The following COL16A1 variants were observed in gnomAD, a reference collection of about 807,000 sequenced individuals.
COL16A1 encodes the protein collagen type XVI alpha 1 chain, also known as collagen alpha-1(XVI) chain.
Under a neutral mutation model 266.3 loss-of-function variants are expected in COL16A1, and 189 were observed. That is an observed-to-expected ratio of 0.71 (90% CI 0.63 to 0.80). The LOEUF (loss-of-function observed/expected upper bound fraction) is 0.80. Among genes scored for constraint, COL16A1 ranks in the 30% least tolerant of loss-of-function variants. The pLI, the probability that COL16A1 is intolerant of heterozygous loss-of-function variation, is 0.00. For missense variants in COL16A1, 1,928 were observed against 2,122.4 expected (o/e 0.91, Z 1.80); for synonymous variants, 740 against 782.3 (o/e 0.95, Z 0.90).
Position 31,660,607 on chromosome 1 carries a change from C to T in COL16A1, c.3857G>A (p.Arg1286Lys), listed in dbSNP as rs1570363641. The T allele has an allele frequency of 1.2e-6, 2 of 1,614,172 alleles. No individual in the cohort carries two copies. The highest frequency in any genetic ancestry group is 1.7e-6 in the Non-Finnish European group (2 of 1,180,006). The change falls in exon 62 of 71, where the codon AGA (arginine) becomes AAA (lysine). Residue 1286 changes from arginine to lysine, a missense_variant. By Grantham distance (26) the Arg-to-Lys change is conservative. Coordinates refer to ENST00000373672, the MANE Select transcript of COL16A1 (RefSeq NM_001856.4). ...GEPGAMGPQG[R>K]PGPPGHVGPP... The stretch of plus-strand genomic sequence containing the variant: ...CACAACGTGTCCCGGGGGACCGGGT[C>T]TTCCCTGGGGTCCCATGGCACCAGG...
rs1643881842 is a variant in COL16A1, at chr1:31,684,629, C to T, written c.2054G>A (p.Gly685Asp). ...AGERGLKGQKGDAGNPGDPGT... is the reference protein window; with the variant it reads ...AGERGLKGQKDDAGNPGDPGT... ...AGGGTCTCCAGGATTCCCAGCATCACCCTGTAAGGAGTGGGGTTCAAGGAA... is the reference window on the plus strand; with the variant it reads ...AGGGTCTCCAGGATTCCCAGCATCATCCTGTAAGGAGTGGGGTTCAAGGAA... Residue 685 changes from glycine to aspartate, a missense_variant and splice_region_variant, in exon 31 of 71, where the codon GGT becomes GAT. Physicochemically the swap from Gly to Asp is moderately conservative, Grantham distance 94 (BLOSUM62 -1). Around this residue, in one of 2 missense-constraint regions of COL16A1, gnomAD observed 1,552 missense variants for 1,637.2 expected, o/e 0.95. Coordinates refer to ENST00000373672, the MANE Select transcript of COL16A1 (RefSeq NM_001856.4). 4 of 1,613,698 alleles carry T rather than the reference C, an allele frequency of 2.5e-6. No homozygotes were observed. The highest frequency in any genetic ancestry group is 3.4e-6 in the Non-Finnish European group (4 of 1,179,812).
intron 51 of COL16A1, 133 bp from the exon 52 acceptor site, chr1:31,667,761 G>A: frequency 3.4e-6 from 3 of 882,254 alleles, no homozygotes; most frequent in Non-Finnish European, 5.4e-6. Context: ...ACCGCTGGGT[G>A]CTCCAAAGCT....
intron 67 of COL16A1, 58 bp downstream of exon 67, chr1:31,655,256 C>A: frequency 6.5e-7 from 1 of 1,549,546 alleles, no homozygotes; most frequent in Non-Finnish European, 8.7e-7. Flanking sequence ...GATCCGAGCT[C>A]CACCCCACAT....
rs1642604638 is a variant in COL16A1 at position 31,670,765 on chromosome 1, G to T, written c.3151-119C>A. ...AGGAGGTCATGGGAGTATTTTCAAG[G>T]CAGCTGGAAAAGAGACTCCTTGAAA... On this transcript the variant is annotated intron_variant, in intron 48 of 70. Coordinates refer to ENST00000373672, the MANE Select transcript of COL16A1 (RefSeq NM_001856.4). This position sits in a 1 kb window ranked among gnomAD's most constrained non-coding sequence, Gnocchi z 4.5. 3.7e-6 allele frequency: 3 copies of T among 814,152 alleles called. No homozygotes were observed. The African/African-American group carries it at 5.6e-5, about 15-fold the overall frequency. The allele number at this position is 814,152 out of a possible 1,614,324, so 50.4% of individuals were successfully genotyped here. A position where few individuals can be genotyped will look rare whatever the true frequency, so the allele number is the denominator to read the frequency against.
chr1:31,674,918 G>C lies in COL16A1; in HGVS notation c.2859+89C>G, dbSNP rs972856788. ...CCCTGCAAACTGCTGCTCTCTCTGC[G>C]AGGTGCCACACAGCTGAGCACTTAC... is the stretch of plus-strand genomic sequence containing the variant. On this transcript the variant is annotated intron_variant, in intron 44 of 70. Coordinates refer to ENST00000373672, the MANE Select transcript of COL16A1 (RefSeq NM_001856.4). 5.1e-6 allele frequency: 8 copies of C among 1,556,858 alleles called. No homozygotes were observed. In the East Asian group the frequency reaches 1.9e-4, roughly 36 times the overall value.
intron 68 of COL16A1, 27 bp downstream of exon 68, chr1:31,654,765 A>C (rs535660653): frequency 6.2e-7 from 1 of 1,613,846 alleles, no homozygotes; most frequent in Non-Finnish European, 8.5e-7. Flanking sequence ...GACAGCACCC[A>C]CTGCCACCCA....
intron 42 of COL16A1, 84 bp from the exon 43 acceptor site, chr1:31,675,395 TC>T: frequency 6.5e-7 from 1 of 1,548,956 alleles, no homozygotes; most frequent in Non-Finnish European, 8.8e-7. Context: ...CATCCCCGCC[TC>T]CTCTTCCCCT....
chr1:31,690,730 C>T (rs940707653), intron 20 of COL16A1, among the ~76,000 whole-genome samples, 157 bp from the exon 21 acceptor site: 21 of 152,138 alleles, frequency 1.4e-4, no homozygotes, highest in African/African-American at 4.6e-4. Context: ...GTTGCCTGCC[C>T]TCCGTGTCTA....
chr1:31,684,457 C>A, intron 31 of COL16A1, 66 bp downstream of exon 31: 3 of 1,575,234 alleles, frequency 1.9e-6, no homozygotes, highest in South Asian at 1.2e-5. Flanking sequence ...CCTTCCCTCA[C>A]TGGTGCGACA....
In COL16A1 at chr1:31,693,070, C is replaced by T. The variant is rs769721958; in HGVS notation, c.1071+22G>A. ...GGCACAGCTGGCAAAGGTCCTGCCACGGGCAGGGCTGGGACACTTACCCGT... is the reference window on the plus strand; with the variant it reads ...GGCACAGCTGGCAAAGGTCCTGCCATGGGCAGGGCTGGGACACTTACCCGT... On this transcript the variant is annotated intron_variant, in intron 13 of 70. Transcript: ENST00000373672. 9.6e-5 allele frequency: 148 copies of T among 1,545,904 alleles called. 1 individual carries two copies. In the Middle Eastern group the frequency reaches 1.4e-3, roughly 14 times the overall value.
chr1:31,656,448 G>A lies in COL16A1; in HGVS notation c.4057-4C>T. On this transcript the variant is annotated splice_region_variant and splice_polypyrimidine_tract_variant and intron_variant, in intron 65 of 70. Coordinates refer to ENST00000373672, the MANE Select transcript of COL16A1 (RefSeq NM_001856.4). This position sits in a 1 kb window ranked among gnomAD's most constrained non-coding sequence, Gnocchi z 4.2. ...ATCCCTGCTTTCCAGGGGGTCCCTA[G>A]AGGAAAGCAAAAGTCAGAGGTGAAG... 1 of 1,612,416 alleles carries A rather than the reference G, an allele frequency of 6.2e-7. No homozygotes were observed. Among genetic ancestry groups the A allele is most frequent in the Non-Finnish European group, 8.5e-7 (1 of 1,179,434 alleles).
At position 31,668,991 on chromosome 1, in the gene COL16A1, T is replaced by C. The variant is rs72887317; in HGVS notation, c.3196-136A>G. The C allele has an allele frequency of 4.4e-3, 3,252 of 732,378 alleles. 80 individuals are homozygous for C. The African/African-American group carries it at 0.051, about 11-fold the overall frequency. 45.4% of individuals were successfully genotyped at this position (732,378 alleles called of 1,614,324 possible). ...GCCATAGTGGCTCTCGTAGTGTCCC[T>C]AGAAGGTGACCCGTAATGGGTGTGC... On this transcript the variant is annotated intron_variant, in intron 49 of 70. Coordinates refer to ENST00000373672, the MANE Select transcript of COL16A1 (RefSeq NM_001856.4). The surrounding 1 kb of genome is among the most constrained non-coding windows in gnomAD (Gnocchi z 5.8).
At chr1:31,702,563 A>C (rs915031768) in intron 1 of COL16A1, among the ~76,000 whole-genome samples, 5 of 152,226 alleles carry the variant, frequency 3.3e-5, no homozygotes, top group Non-Finnish European at 7.3e-5. Flanking sequence ...AGGTCTTAGA[A>C]GGCCAGAGAA....
chr1:31,692,431 C>G lies in COL16A1; in HGVS notation c.1194+43G>C, dbSNP rs902548487. 2.5e-6 allele frequency: 4 copies of G among 1,590,150 alleles called. No homozygotes were observed. In the African/African-American group the frequency reaches 5.4e-5, roughly 21 times the overall value. On this transcript the variant is annotated intron_variant, in intron 16 of 70. Coordinates refer to ENST00000373672, the MANE Select transcript of COL16A1 (RefSeq NM_001856.4). The stretch of plus-strand genomic sequence containing the variant: ...TCCTTCCTCATGGCTGTAGAGCCTG[C>G]AGACCTCCCTGGAAATCCCCCCTCC...
chr1:31,688,561 C>T lies in COL16A1; in HGVS notation c.1768-59G>A. The T allele has an allele frequency of 6.2e-7, 1 of 1,608,696 alleles. No individual in the cohort carries two copies. The highest frequency in any genetic ancestry group is 8.5e-7 in the Non-Finnish European group (1 of 1,175,148). Reference sequence around the variant, plus strand: ...CCCCACTCCCACCTCTCCAAGGCTCCCCGGGTCCCAGTGTCCAACCAGAAA... The same window carrying T: ...CCCCACTCCCACCTCTCCAAGGCTCTCCGGGTCCCAGTGTCCAACCAGAAA... On this transcript the variant is annotated intron_variant, in intron 25 of 70. Coordinates refer to ENST00000373672, the MANE Select transcript of COL16A1 (RefSeq NM_001856.4). The surrounding 1 kb of genome is among the most constrained non-coding windows in gnomAD (Gnocchi z 4.9).
At chr1:31,699,237 A>C (rs1439840510) in intron 4 of COL16A1, among the ~76,000 whole-genome samples, 2 of 152,242 alleles carry the variant, frequency 1.3e-5, no homozygotes, top group East Asian at 3.8e-4. Flanking sequence ...AAGAATCCCC[A>C]GAATGACTAT....
rs1007408706 is a variant in COL16A1, at chr1:31,693,296, CCCA to C, written c.1009-145_1009-143del. ...CGCACACATGTGAGCAGTGTCCTGCCCCACGCCTCCCCCCACCACACACAAGCA... is the reference window on the plus strand; with the variant it reads ...CGCACACATGTGAGCAGTGTCCTGCCCGCCTCCCCCCACCACACACAAGCA... On this transcript the variant is annotated intron_variant, in intron 12 of 70. Coordinates refer to ENST00000373672, the MANE Select transcript of COL16A1 (RefSeq NM_001856.4). The C allele has an allele frequency of 3.6e-5, 23 of 647,742 alleles. No homozygotes were observed. The Admixed American group carries it at 5.0e-4, about 14-fold the overall frequency. The allele number at this position is 647,742 out of a possible 1,614,324, so 40.1% of individuals were successfully genotyped here. A position where few individuals can be genotyped will look rare whatever the true frequency, so the allele number is the denominator to read the frequency against.
At chr1:31,679,375 A>G in intron 42 of COL16A1, 1 of 1,498,032 alleles carries the variant, frequency 6.7e-7, no homozygotes, top group Non-Finnish European at 8.9e-7. Flanking sequence ...AGGGATTTTT[A>G]TCTGACCCAG....
rs1454446771 is a variant in COL16A1, at chr1:31,701,302, C to T, written c.73+819G>A. The stretch of plus-strand genomic sequence containing the variant: ...TCTGCCCCATCCCCCCCAGGGGACC[C>T]AGTGAGGGAGAGGAGAGCAAAGCTC... On this transcript the variant is annotated intron_variant, in intron 2 of 70. Transcript: ENST00000373672. 7 of 985,180 alleles carry T rather than the reference C, an allele frequency of 7.1e-6. No homozygotes were observed. In the East Asian group the frequency reaches 7.9e-4, roughly 112 times the overall value. The allele number at this position is 985,180 out of a possible 1,614,324, so 61.0% of individuals were successfully genotyped here.
Sources: gnomAD v4.1 joint callset for allele counts (sites outside exome capture counted in the v4.1 genomes callset) on GRCh38, gnomAD v4.1.1 for gene constraint, gnomAD v4.1.1 regional missense constraint, Gnocchi (gnomAD v3.1) non-coding constraint, MANE v1.5 for transcripts, NCBI Gene and HGNC (gene_info 2026-07-23, HGNC 2026-07-21) for gene names.